The following TDRD9 variants were observed in gnomAD, a reference collection of about 807,000 sequenced individuals.
The protein encoded by TDRD9 is ATP-dependent RNA helicase TDRD9.
TDRD9 carries 124 observed loss-of-function variants against 172.6 expected under a neutral mutation model. The ratio of observed to expected loss-of-function variants is 0.72; its 90% CI spans 0.62 to 0.83. The LOEUF (loss-of-function observed/expected upper bound fraction) is 0.83. TDRD9 is among the 40% of genes least tolerant of loss of function. The probability of loss-of-function intolerance (pLI) is 0.00; values close to 1 mark genes in which losing one functional copy is unlikely to be tolerated. For synonymous variants in TDRD9, 619 were observed against 617.1 expected, an observed-to-expected ratio of 1.00 and a Z score of -0.05; for missense variants, 1,479 against 1,714.1, an observed-to-expected ratio of 0.86 and a Z score of 2.42.
Position 104,022,207 on chromosome 14 carries a change from C to A in TDRD9, c.2483C>A (p.Pro828His). The A allele has an allele frequency of 6.3e-7, 1 of 1,584,104 alleles. No homozygotes were observed. Among genetic ancestry groups the A allele is most frequent in the Non-Finnish European group, 8.6e-7 (1 of 1,164,792 alleles). The change falls in exon 24 of 36, where the codon CCT (proline) becomes CAT (histidine). Residue 828 changes from proline to histidine, a missense_variant. By Grantham distance (77) the Pro-to-His change is moderately conservative. Around this residue, in one of 3 missense-constraint regions of TDRD9, gnomAD observed 1,413 missense variants for 1,649.1 expected, o/e 0.86. Coordinates refer to ENST00000409874, the MANE Select transcript of TDRD9 (RefSeq NM_153046.3). Reference sequence around the variant, plus strand: ...CCAACAGAGAGATTTAAAACCCTTCCTGCAGTATATATGGCAATTAAGATG... The same window carrying A: ...CCAACAGAGAGATTTAAAACCCTTCATGCAGTATATATGGCAATTAAGATG... ...RNPTERFKTL[P>H]AVYMAIKMSQ...
intron 14 of TDRD9, 24 bp downstream of exon 14, chr14:104,004,359 A>G: frequency 8.7e-7 from 1 of 1,144,016 alleles, no homozygotes; most frequent in Non-Finnish European, 1.3e-6. Flanking sequence ...GTCATTGTCA[A>G]AGTTTATTTA....
chr14:103,981,705 A>C (rs902566944), intron 7 of TDRD9, among the ~76,000 whole-genome samples: 4 of 152,218 alleles, frequency 2.6e-5, no homozygotes, highest in Admixed American at 6.5e-5. Context: ...TATTTAGCCT[A>C]TAGTTGGGCA....
At chr14:104,002,004 T>C (rs1158508492) in intron 13 of TDRD9, among the ~76,000 whole-genome samples, 2 of 151,888 alleles carry the variant, frequency 1.3e-5, no homozygotes, top group African/African-American at 4.8e-5. Context: ...TTTTTCCGTA[T>C]CTTTGCCAGC....
intron 8 of TDRD9, among the ~76,000 whole-genome samples, chr14:103,990,022 G>A (rs1168454433): frequency 6.6e-6 from 1 of 152,204 alleles, no homozygotes; most frequent in African/African-American, 2.4e-5. Context: ...ATTGATTGGG[G>A]TGAACCCAAC....
At chr14:103,991,658 G>A (rs11624560) in intron 9 of TDRD9, among the ~76,000 whole-genome samples, 3,103 of 152,102 alleles carry the variant, frequency 0.02, 49 homozygotes, top group Non-Finnish European at 0.031. Context: ...TGATCTGCCC[G>A]CTGTGGCCTC....
intron 30 of TDRD9, among the ~76,000 whole-genome samples, 170 bp from the exon 31 acceptor site, chr14:104,033,790 G>A (rs562430271): frequency 1.4e-4 from 21 of 152,280 alleles, no homozygotes; most frequent in African/African-American, 4.8e-4. Context: ...GTGTGAAGAG[G>A]TGGTCCAGTA....
chr14:104,028,484 GTCT>G (rs1354987679), intron 28 of TDRD9, among the ~76,000 whole-genome samples: 1 of 152,102 alleles, frequency 6.6e-6, no homozygotes, highest in African/African-American at 2.4e-5. Flanking sequence ...TTATTTGTAT[GTCT>G]TCTTTTGAGA....
intron 34 of TDRD9, among the ~76,000 whole-genome samples, chr14:104,048,868 T>C (rs771655491): frequency 4.6e-5 from 7 of 152,116 alleles, no homozygotes; most frequent in Non-Finnish European, 1.0e-4. Context: ...GGTGTGAGGA[T>C]TTTTCCCCCT....
intron 21 of TDRD9, among the ~76,000 whole-genome samples, chr14:104,015,233 ATAT>A (rs920985529): frequency 2.0e-5 from 3 of 152,132 alleles, no homozygotes; most frequent in Non-Finnish European, 4.4e-5. Flanking sequence ...TACACTGAAA[ATAT>A]TATTTTAACT....
chr14:104,000,329 CAA>C (rs60498436), intron 13 of TDRD9, among the ~76,000 whole-genome samples: 3,063 of 127,410 alleles, frequency 0.024, 32 homozygotes, highest in African/African-American at 0.053. Context: ...AGCCCCGTCT[CAA>C]AAAAAAAAAA....
At chr14:103,999,199 G>T (rs956353125) in intron 13 of TDRD9, among the ~76,000 whole-genome samples, 24 of 152,316 alleles carry the variant, frequency 1.6e-4, no homozygotes, top group African/African-American at 5.8e-4. Context: ...TATTGTCAGA[G>T]TGTCCATTTA....
Position 103,988,665 on chromosome 14 carries a change from T to C in TDRD9, c.1115+2345T>C, listed in dbSNP as rs1475788200. The stretch of plus-strand genomic sequence containing the variant: ...CTCTTTTACTGCTTTCTTTTGCATT[T>C]AACACATATTTTGCAGTGTAGCATT... On this transcript the variant is annotated intron_variant, in intron 8 of 35. Coordinates refer to ENST00000409874, the MANE Select transcript of TDRD9 (RefSeq NM_153046.3). 3.3e-5 allele frequency among the ~76,000 whole-genome samples: 5 copies of C among 151,920 alleles called. No individual in the cohort carries two copies. In the East Asian group the frequency reaches 9.7e-4, roughly 29 times the overall value.
At chr14:103,967,717 A>G (rs2032813277) in intron 5 of TDRD9, among the ~76,000 whole-genome samples, 1 of 152,204 alleles carries the variant, frequency 6.6e-6, no homozygotes, top group South Asian at 2.1e-4. Flanking sequence ...GTGGGAGAGT[A>G]GGAGAGGGTG....
At chr14:103,964,015 G>A (rs1182365457) in intron 3 of TDRD9, among the ~76,000 whole-genome samples, 2 of 152,168 alleles carry the variant, frequency 1.3e-5, no homozygotes, top group Non-Finnish European at 2.9e-5. Context: ...CTGGAGGTGG[G>A]AGGATCACTT....
At chr14:104,008,952 T>C (rs2034527793) in intron 20 of TDRD9, among the ~76,000 whole-genome samples, 2 of 152,208 alleles carry the variant, frequency 1.3e-5, no homozygotes, top group Admixed American at 6.5e-5. Flanking sequence ...TTTAATTTTT[T>C]ACCCACTAAT....
At chr14:103,967,324 G>A (rs568353848) in intron 5 of TDRD9, among the ~76,000 whole-genome samples, 1 of 92,922 alleles carries the variant, frequency 1.1e-5, no homozygotes, top group Admixed American at 1.8e-4. Flanking sequence ...CCAACATGGT[G>A]AAACCCATCT....
rs60394937 is a variant in TDRD9, at chr14:104,024,749, T to TAC, written c.2718+109_2718+110dup. The TAC allele has an allele frequency of 8.0e-3, 3,460 of 434,732 alleles. 25 individuals are homozygous for TAC. Among genetic ancestry groups the TAC allele is most frequent in the African/African-American group, 0.025 (1,236 of 48,932 alleles). 26.9% of individuals were successfully genotyped at this position (434,732 alleles called of 1,614,324 possible). A position where few individuals can be genotyped will look rare whatever the true frequency, so the allele number is the denominator to read the frequency against. ...ATCATCATGTTGTATACAGGAAGTT[T>TAC]ACACACACACACACACACACACACA... is the stretch of plus-strand genomic sequence containing the variant. On this transcript the variant is annotated intron_variant, in intron 25 of 35. Transcript: ENST00000409874.
chr14:103,962,273 T>A (rs202007419), intron 2 of TDRD9, among the ~76,000 whole-genome samples: 3,528 of 152,324 alleles, frequency 0.023, 78 homozygotes, highest in East Asian at 0.071. Context: ...AATGCACACT[T>A]AAATTGATGC....
intron 6 of TDRD9, among the ~76,000 whole-genome samples, chr14:103,972,402 G>C (rs1233163975): frequency 6.6e-6 from 1 of 152,228 alleles, no homozygotes; most frequent in Non-Finnish European, 1.5e-5. Context: ...TGAGAACAGA[G>C]TATGTACTAG....
Sources: gnomAD v4.1 joint callset for allele counts (sites outside exome capture counted in the v4.1 genomes callset) on GRCh38, gnomAD v4.1.1 for gene constraint, gnomAD v4.1.1 regional missense constraint, MANE v1.5 for transcripts, NCBI Gene and HGNC (gene_info 2026-07-23, HGNC 2026-07-21) for gene names.